The following MYO16 variants were observed in gnomAD, a reference collection of about 807,000 sequenced individuals.
MYO16 encodes the protein myosin XVI, also known as unconventional myosin-XVI.
A neutral mutation model predicts 205.3 loss-of-function variants in MYO16; 94 were observed. That is an observed-to-expected ratio of 0.46 (90% CI 0.39 to 0.54). The LOEUF is 0.54. Ranked by LOEUF, MYO16 falls within the 20% of genes least tolerant of loss-of-function variation. The pLI, the probability that MYO16 is intolerant of heterozygous loss-of-function variation, is 0.00. For synonymous variants in MYO16, 988 were observed against 954.0 expected (o/e 1.04, Z -0.66); for missense variants, 2,315 against 2,387.5 (o/e 0.97, Z 0.63).
chr13:109,071,474 G>C (rs1264714872), intron 27 of MYO16, among the ~76,000 whole-genome samples: 3 of 152,156 alleles, frequency 2.0e-5, no homozygotes, highest in Non-Finnish European at 2.9e-5. Flanking sequence ...AATGATGAGA[G>C]ACAGGGGCAA....
chr13:108,772,603 G>A (rs1393051820), intron 4 of MYO16, among the ~76,000 whole-genome samples: 1 of 152,056 alleles, frequency 6.6e-6, no homozygotes, highest in African/African-American at 2.4e-5. Context: ...AAAAAAAAAT[G>A]CGATCAAGTG....
At chr13:108,994,224 T>C (rs1884930276) in intron 21 of MYO16, among the ~76,000 whole-genome samples, 1 of 152,006 alleles carries the variant, frequency 6.6e-6, no homozygotes, top group African/African-American at 2.4e-5. Context: ...AAAGAGCCAG[T>C]CTCTATTAAA....
intron 1 of MYO16, 70 bp from the exon 2 acceptor site, chr13:108,665,816 T>C: frequency 6.9e-7 from 1 of 1,452,496 alleles, no homozygotes; most frequent in South Asian, 1.3e-5. Context: ...TAAAATCAAG[T>C]GTGCTGTGGT....
At chr13:108,583,387 G>T in the MYO16 span, among the ~76,000 whole-genome samples, 1 of 152,184 alleles carries the variant, frequency 6.6e-6, no homozygotes, top group Non-Finnish European at 1.5e-5. Context: ...AAGGGTGCTA[G>T]AAGAGACTTT....
intron 33 of MYO16, among the ~76,000 whole-genome samples, chr13:109,177,184 G>A (rs1446034485): frequency 1.3e-5 from 2 of 152,092 alleles, no homozygotes; most frequent in Admixed American, 6.5e-5. Context: ...ACTCTAGTCC[G>A]TTCCATCAGA....
chr13:109,009,993 C>T (rs1190380956), intron 22 of MYO16, among the ~76,000 whole-genome samples: 3 of 152,180 alleles, frequency 2.0e-5, no homozygotes, highest in South Asian at 4.1e-4. Flanking sequence ...CTCTAGCTTG[C>T]CATGTTCTCT....
At chr13:108,553,924 G>C in the MYO16 span, among the ~76,000 whole-genome samples, 7,395 of 152,160 alleles carry the variant, frequency 0.049, 536 homozygotes, top group African/African-American at 0.16. Flanking sequence ...TGTGTTGGAA[G>C]CATGTGCCTG....
intron 4 of MYO16, among the ~76,000 whole-genome samples, chr13:108,780,614 A>T (rs1886270929): frequency 6.6e-6 from 1 of 152,244 alleles, no homozygotes; most frequent in Non-Finnish European, 1.5e-5. Flanking sequence ...AAATTTAGTT[A>T]AAAAGAATTG....
intron 20 of MYO16, among the ~76,000 whole-genome samples, chr13:108,967,946 C>T (rs148052411): frequency 1.3e-5 from 2 of 152,284 alleles, no homozygotes; most frequent in African/African-American, 4.8e-5. Flanking sequence ...TTACTATTTT[C>T]ATCATTTTCT....
At chr13:108,867,982 G>A (rs1878804486) in intron 12 of MYO16, among the ~76,000 whole-genome samples, 1 of 152,150 alleles carries the variant, frequency 6.6e-6, no homozygotes, top group African/African-American at 2.4e-5. Context: ...GTTTTTGTGT[G>A]TAGCAATACA....
chr13:108,637,978 A>G (rs1880334905), intron 1 of MYO16, among the ~76,000 whole-genome samples: 1 of 152,210 alleles, frequency 6.6e-6, no homozygotes, highest in African/African-American at 2.4e-5. Flanking sequence ...AGAGTAAGTA[A>G]GTAAAGAGAT....
At chr13:108,823,343 T>C in intron 9 of MYO16, 65 bp downstream of exon 9, 1 of 1,459,666 alleles carries the variant, frequency 6.9e-7, no homozygotes, top group Non-Finnish European at 9.3e-7. Flanking sequence ...TTAGAGCCCA[T>C]ATTAAGTCTG....
Position 108,871,350 on chromosome 13 carries a change from G to GTGTGTGTGTGTA in MYO16, c.1425+5119_1425+5120insATGTGTGTGTGT, listed in dbSNP as rs1555307582. 3.2e-4 allele frequency among the ~76,000 whole-genome samples: 47 copies of GTGTGTGTGTGTA among 147,334 alleles called. 1 individual carries two copies. Among genetic ancestry groups the GTGTGTGTGTGTA allele is most frequent in the Non-Finnish European group, 4.3e-4 (29 of 67,502 alleles). On this transcript the variant is annotated intron_variant, in intron 12 of 34. Transcript: ENST00000457511. ...TGTGTGTGTGTGTGTGTGTGTGTGT[G>GTGTGTGTGTGTA]TGTGTGTGTGTGTCTGTGTGTTGGT...
intron 3 of MYO16, among the ~76,000 whole-genome samples, chr13:108,720,465 A>G (rs2139569271): frequency 6.6e-6 from 1 of 152,288 alleles, no homozygotes; most frequent in Admixed American, 6.5e-5. Flanking sequence ...ATGTTCTTTG[A>G]ACTACTGAGA....
chr13:108,518,581 T>C, the MYO16 span, among the ~76,000 whole-genome samples: 5 of 152,194 alleles, frequency 3.3e-5, no homozygotes, highest in Non-Finnish European at 5.9e-5. Flanking sequence ...CAGAGAGGTG[T>C]TTCTTAGTCC....
At chr13:108,910,569 G>A (rs1420557004) in intron 16 of MYO16, among the ~76,000 whole-genome samples, 5 of 152,188 alleles carry the variant, frequency 3.3e-5, no homozygotes, top group African/African-American at 9.6e-5. Context: ...AACCTCAGGG[G>A]CTGATTTCCT....
intron 21 of MYO16, among the ~76,000 whole-genome samples, chr13:108,997,408 G>GAGAA (rs1885063110): frequency 1.2e-5 from 1 of 84,148 alleles, no homozygotes; most frequent in African/African-American, 4.4e-5. Flanking sequence ...GGGAGAGTGG[G>GAGAA]AGGAAAGGAA....
the MYO16 span, among the ~76,000 whole-genome samples, chr13:108,519,134 C>A: frequency 6.6e-6 from 1 of 152,106 alleles, no homozygotes; most frequent in Non-Finnish European, 1.5e-5. Context: ...AGCATAAACA[C>A]ATTTCTTGAG....
intron 13 of MYO16, among the ~76,000 whole-genome samples, chr13:108,885,635 T>C (rs1879832944): frequency 6.6e-6 from 1 of 152,238 alleles, no homozygotes; most frequent in Admixed American, 6.5e-5. Flanking sequence ...CTAATGTTTA[T>C]TGAGAATTTA....
Sources: gnomAD v4.1 joint callset for allele counts (sites outside exome capture counted in the v4.1 genomes callset) on GRCh38, gnomAD v4.1.1 for gene constraint, MANE v1.5 for transcripts, NCBI Gene and HGNC (gene_info 2026-07-23, HGNC 2026-07-21) for gene names.